PLCG2: variants seen among roughly 807,000 people sequenced by gnomAD.
PLCG2 encodes phospholipase C gamma 2.
Under a neutral mutation model 175.6 loss-of-function variants are expected in PLCG2, and 69 were observed. The observed-to-expected ratio is 0.39, with a 90% CI of 0.32 to 0.48. The LOEUF (loss-of-function observed/expected upper bound fraction) is 0.48. Among genes scored for constraint, PLCG2 ranks in the 20% least tolerant of loss-of-function variants. The pLI, the probability that PLCG2 is intolerant of heterozygous loss-of-function variation, is 0.91. For synonymous variants in PLCG2, 827 were observed against 624.0 expected (o/e 1.33, Z -4.85); for missense variants, 1,798 against 1,650.9 (o/e 1.09, Z -1.54).
chr16:81,935,867 C>A, intron 26 of PLCG2: 1 of 985,246 alleles, frequency 1.0e-6, no homozygotes, highest in Non-Finnish European at 1.2e-6. Flanking sequence ...TCTTCTATAA[C>A]TGTACCACTT....
intron 2 of PLCG2, among the ~76,000 whole-genome samples, chr16:81,769,593 T>C (rs1328731181): frequency 2.0e-5 from 3 of 151,732 alleles, no homozygotes; most frequent in Admixed American, 6.6e-5. Context: ...GGCGGGCGGA[T>C]CACGAGGTCA....
At chr16:81,855,229 A>C (rs949081473) in intron 3 of PLCG2, among the ~76,000 whole-genome samples, 4 of 151,662 alleles carry the variant, frequency 2.6e-5, no homozygotes, top group Non-Finnish European at 5.9e-5. Flanking sequence ...AGAAAAATGT[A>C]ACCTGTTTTC....
intron 2 of PLCG2, among the ~76,000 whole-genome samples, chr16:81,841,795 C>T (rs1335912966): frequency 1.3e-5 from 2 of 152,300 alleles, no homozygotes; most frequent in South Asian, 2.1e-4. Flanking sequence ...CACCTATTCC[C>T]CCAGCTGCCA....
chr16:81,760,761 AATAAT>A (rs1567695622), intron 2 of PLCG2, among the ~76,000 whole-genome samples: 43 of 121,526 alleles, frequency 3.5e-4, no homozygotes, highest in African/African-American at 1.3e-3. Flanking sequence ...AAAAAAAAAT[AATAAT>A]AATAATAATA....
intron 2 of PLCG2, among the ~76,000 whole-genome samples, chr16:81,803,485 C>A (rs1241431723): frequency 6.6e-6 from 1 of 151,810 alleles, no homozygotes; most frequent in Non-Finnish European, 1.5e-5. Flanking sequence ...AGGTAGTTCT[C>A]TCTTTTTGGT....
intron 7 of PLCG2, among the ~76,000 whole-genome samples, 181 bp from the exon 8 acceptor site, chr16:81,880,729 C>G (rs527569435): frequency 6.6e-6 from 1 of 152,256 alleles, no homozygotes; most frequent in East Asian, 1.9e-4. Flanking sequence ...GGGCTTCTAC[C>G]TTTTGCTTCT....
intron 18 of PLCG2, among the ~76,000 whole-genome samples, chr16:81,912,276 G>A (rs997851035): frequency 1.3e-5 from 2 of 151,710 alleles, no homozygotes; most frequent in African/African-American, 4.8e-5. Flanking sequence ...GTGTTGGCCA[G>A]GCTGGTCTCA....
chr16:81,886,590 C>T (rs977869897), intron 9 of PLCG2, among the ~76,000 whole-genome samples: 10 of 152,110 alleles, frequency 6.6e-5, no homozygotes, highest in Non-Finnish European at 8.8e-5. Flanking sequence ...TGGTTAAGTA[C>T]GCCATAGTAC....
At chr16:81,880,845 CT>C (rs1908042697) in intron 7 of PLCG2, 64 bp from the exon 8 acceptor site, 3 of 1,471,700 alleles carry the variant, frequency 2.0e-6, no homozygotes, top group African/African-American at 2.8e-5. Context: ...CAACAAAAAT[CT>C]TTCCGTTTTT....
At chr16:81,889,990 G>T (rs1406421420) in intron 10 of PLCG2, among the ~76,000 whole-genome samples, 1 of 151,952 alleles carries the variant, frequency 6.6e-6, no homozygotes, top group African/African-American at 2.4e-5. Context: ...TGTTTGGCGG[G>T]CCAGGGAAAG....
Position 81,805,780 on chromosome 16 carries a change from TTTG to T in PLCG2, c.193+19601_193+19603del, listed in dbSNP as rs1432886754. Among the ~76,000 whole-genome samples, 428 of 98,654 alleles carry T rather than the reference TTTG, an allele frequency of 4.3e-3. 21 individuals carry two copies. The highest frequency in any genetic ancestry group is 6.7e-3 in the Non-Finnish European group (308 of 45,860). The allele number at this position is 98,654 out of a possible 152,430, so 64.7% of individuals were successfully genotyped here. On this transcript the variant is annotated intron_variant, in intron 2 of 32. Coordinates refer to ENST00000564138, the MANE Select transcript of PLCG2 (RefSeq NM_002661.5). ...GTGTTTTGTTTTGTTTTTTTTTTTT[TTTG>T]TTTTTTTTTTTTTTTGCTGTTATTG...
At chr16:81,816,658 T>C (rs1051856217) in intron 2 of PLCG2, among the ~76,000 whole-genome samples, 14,754 of 96,890 alleles carry the variant, frequency 0.15, 1,680 homozygotes, top group Non-Finnish European at 0.21. Flanking sequence ...TTAATTTTTT[T>C]TTTTTTTTTT....
At chr16:81,881,049 G>T in intron 8 of PLCG2, 96 bp downstream of exon 8, 1 of 1,265,880 alleles carries the variant, frequency 7.9e-7, no homozygotes, top group African/African-American at 1.5e-5. Context: ...GTGTGTGCAG[G>T]CGCTGACCTC....
chr16:81,894,792 G>A (rs1007238512), intron 12 of PLCG2, among the ~76,000 whole-genome samples: 1 of 152,020 alleles, frequency 6.6e-6, no homozygotes, highest in African/African-American at 2.4e-5. Flanking sequence ...GGAATCACTT[G>A]AGCCTGGGAG....
At chr16:81,783,596 G>A (rs1022522018) in intron 1 of PLCG2, among the ~76,000 whole-genome samples, 4 of 152,196 alleles carry the variant, frequency 2.6e-5, no homozygotes, top group Non-Finnish European at 5.9e-5. Context: ...CTTTGATCAA[G>A]TAATGTGACC....
chr16:81,750,548 C>T (rs1339095402), intron 1 of PLCG2, among the ~76,000 whole-genome samples: 1 of 151,522 alleles, frequency 6.6e-6, no homozygotes, highest in African/African-American at 2.4e-5. Context: ...TTCATAATAG[C>T]TGAGTTATGG....
rs752542504 is a variant in PLCG2 at position 81,956,826 on chromosome 16, G to C, written c.3702G>C (p.Glu1234Asp). The C allele has an allele frequency of 1.9e-6, 3 of 1,614,050 alleles. No homozygotes were observed. The highest frequency in any genetic ancestry group is 2.2e-5 in the East Asian group (1 of 44,894). Residue 1234 changes from glutamate (E) to aspartate (D), a missense_variant, in exon 32 of 33, where the codon GAG becomes GAC. Glu to Asp is a conservative substitution (Grantham distance 45). Coordinates refer to ENST00000564138, the MANE Select transcript of PLCG2 (RefSeq NM_002661.5). ...RNANRDALVK[E>D]FSVNENQLQL... ...CCAACCGGGATGCCCTGGTTAAAGA[G>C]TTCAGTGTTAATGAGAACCAGCTCC...
At chr16:81,838,371 G>T (rs964625653) in intron 2 of PLCG2, among the ~76,000 whole-genome samples, 1 of 152,196 alleles carries the variant, frequency 6.6e-6, no homozygotes, top group Non-Finnish European at 1.5e-5. Context: ...ACAGGCATGA[G>T]CCGCCGTTGC....
intron 2 of PLCG2, among the ~76,000 whole-genome samples, chr16:81,757,615 C>T (rs980247397): frequency 1.3e-5 from 2 of 152,084 alleles, no homozygotes; most frequent in Non-Finnish European, 2.9e-5. Context: ...TTCACATTTT[C>T]CTCCAGCACT....
Sources: gnomAD v4.1 joint callset for allele counts (sites outside exome capture counted in the v4.1 genomes callset) on GRCh38, gnomAD v4.1.1 for gene constraint, MANE v1.5 for transcripts, NCBI Gene and HGNC (gene_info 2026-07-23, HGNC 2026-07-21) for gene names.